The following CDH6 variants were observed in gnomAD, a reference collection of about 807,000 sequenced individuals.
CDH6 encodes cadherin-6.
Under a neutral mutation model 78.0 loss-of-function variants are expected in CDH6, and 31 were observed. The observed-to-expected ratio is 0.40, with a 90% CI of 0.30 to 0.54. CDH6 has a LOEUF of 0.54. Ranked by LOEUF, CDH6 falls within the 20% of genes least tolerant of loss-of-function variation. The pLI, the probability that CDH6 is intolerant of heterozygous loss-of-function variation, is 0.56. For synonymous variants in CDH6, 376 were observed against 368.8 expected (o/e 1.02, Z -0.23); for missense variants, 724 against 975.9 (o/e 0.74, Z 3.44).
chr5:31,236,260 T>G (rs529604811), intron 1 of CDH6, among the ~76,000 whole-genome samples: 10 of 152,192 alleles, frequency 6.6e-5, no homozygotes, highest in Non-Finnish European at 1.2e-4. Flanking sequence ...TCCTAAATAA[T>G]GACAATATTC....
chr5:31,285,150 AAT>A (rs1181109672), intron 2 of CDH6, among the ~76,000 whole-genome samples: 1 of 152,200 alleles, frequency 6.6e-6, no homozygotes, highest in Non-Finnish European at 1.5e-5. Flanking sequence ...AGTGTGAGAA[AAT>A]ATGTGACCCT....
chr5:31,280,049 A>G (rs1350509846), intron 2 of CDH6, among the ~76,000 whole-genome samples: 1 of 152,224 alleles, frequency 6.6e-6, no homozygotes. Flanking sequence ...CCTTTTCAAC[A>G]GTAGACATCG....
chr5:31,210,164 G>A (rs911396257), intron 1 of CDH6, among the ~76,000 whole-genome samples: 2 of 151,498 alleles, frequency 1.3e-5, no homozygotes, highest in Admixed American at 6.6e-5. Context: ...AGAAAGAAAA[G>A]GGTGAGAAAG....
chr5:31,221,438 TG>T (rs2111831607), intron 1 of CDH6, among the ~76,000 whole-genome samples: 1 of 152,350 alleles, frequency 6.6e-6, no homozygotes, highest in Non-Finnish European at 1.5e-5. Context: ...AATGGAATCT[TG>T]GAATTAAGAG....
chr5:31,202,859 T>C (rs1320062696), intron 1 of CDH6, among the ~76,000 whole-genome samples: 1 of 151,684 alleles, frequency 6.6e-6, no homozygotes, highest in Non-Finnish European at 1.5e-5. Context: ...GCAAAATATA[T>C]ATATATTTGC....
intron 5 of CDH6, among the ~76,000 whole-genome samples, chr5:31,301,584 A>G (rs1042256245): frequency 6.6e-6 from 1 of 152,222 alleles, no homozygotes; most frequent in Non-Finnish European, 1.5e-5. Flanking sequence ...GTATTTACCT[A>G]TATCTCTAAC....
At chr5:31,240,373 C>T (rs1741566734) in intron 1 of CDH6, among the ~76,000 whole-genome samples, 1 of 152,148 alleles carries the variant, frequency 6.6e-6, no homozygotes, top group Non-Finnish European at 1.5e-5. Flanking sequence ...AAGAGGACCT[C>T]CCAAGACCAG....
intron 2 of CDH6, among the ~76,000 whole-genome samples, chr5:31,293,516 A>G (rs967095543): frequency 6.6e-6 from 1 of 152,188 alleles, no homozygotes; most frequent in Non-Finnish European, 1.5e-5. Flanking sequence ...CTGATTCAAA[A>G]ATCAAAGTCC....
chr5:31,323,255 T>C lies in CDH6; in HGVS notation c.2320T>C (p.Phe774Leu), dbSNP rs1196325208. Reference sequence around the variant, plus strand: ...TTACCTTAGTGACTGGGGACCTCGATTCAAAAAGCTTGCAGATATGTATGG... The same window carrying C: ...TTACCTTAGTGACTGGGGACCTCGACTCAAAAAGCTTGCAGATATGTATGG... ...YDYLSDWGPR[F>L]KKLADMYGGV... The change falls in exon 12 of 12, where the codon TTC (phenylalanine) becomes CTC (leucine). Residue 774 changes from phenylalanine (F) to leucine (L), a missense_variant. Around this residue, in one of 3 missense-constraint regions of CDH6, gnomAD observed 220 missense variants for 240.6 expected, o/e 0.91. Coordinates refer to ENST00000265071, the MANE Select transcript of CDH6 (RefSeq NM_004932.4). The C allele has an allele frequency of 6.2e-7, 1 of 1,614,020 alleles. No individual in the cohort carries two copies. Among genetic ancestry groups the C allele is most frequent in the East Asian group, 2.2e-5 (1 of 44,898 alleles).
chr5:31,258,880 G>T (rs115523641), intron 1 of CDH6, among the ~76,000 whole-genome samples: 3,874 of 152,234 alleles, frequency 0.025, 177 homozygotes, highest in African/African-American at 0.089. Flanking sequence ...GCAGCAGCCT[G>T]GCACACACCC....
intron 2 of CDH6, among the ~76,000 whole-genome samples, chr5:31,269,135 C>G (rs79159956): frequency 6.6e-6 from 1 of 152,064 alleles, no homozygotes; most frequent in Admixed American, 6.5e-5. Flanking sequence ...TTTTACAACA[C>G]AAATAGCATT....
chr5:31,238,854 G>T (rs1230095866), intron 1 of CDH6, among the ~76,000 whole-genome samples: 1 of 152,112 alleles, frequency 6.6e-6, no homozygotes, highest in Admixed American at 6.6e-5. Flanking sequence ...TCCTAACTTT[G>T]TTCTTACTGG....
At chr5:31,305,668 T>C (rs1737971366) in intron 7 of CDH6, among the ~76,000 whole-genome samples, 1 of 152,198 alleles carries the variant, frequency 6.6e-6, no homozygotes, top group African/African-American at 2.4e-5. Context: ...CACCCCCATA[T>C]TAAAATTCAC....
intron 1 of CDH6, among the ~76,000 whole-genome samples, chr5:31,248,854 A>G (rs1346234274): frequency 6.6e-6 from 1 of 152,224 alleles, no homozygotes; most frequent in Admixed American, 6.5e-5. Context: ...AAAAATTCTA[A>G]ATAAGTTATG....
intron 6 of CDH6, among the ~76,000 whole-genome samples, chr5:31,302,804 GAA>G (rs1561066023): frequency 7.9e-5 from 7 of 88,466 alleles, no homozygotes; most frequent in South Asian, 4.0e-4. Flanking sequence ...GAGAGAGAAA[GAA>G]AGAAAGAAAG....
chr5:31,239,999 T>A (rs1367402547), intron 1 of CDH6, among the ~76,000 whole-genome samples: 3 of 152,184 alleles, frequency 2.0e-5, no homozygotes, highest in African/African-American at 7.2e-5. Flanking sequence ...TACCTGTGAA[T>A]TTTTCTGCAA....
At chr5:31,321,602 A>AATT (rs984066320) in intron 11 of CDH6, among the ~76,000 whole-genome samples, 2 of 152,284 alleles carry the variant, frequency 1.3e-5, no homozygotes, top group East Asian at 1.9e-4. Flanking sequence ...ACGGGTAACC[A>AATT]ATTATTATTA....
chr5:31,265,769 G>GTTTTTTTTTTTTTTTTT (rs35184792), intron 1 of CDH6, among the ~76,000 whole-genome samples: 2 of 78,406 alleles, frequency 2.6e-5, no homozygotes, highest in African/African-American at 5.2e-5. Context: ...TTAAGACAAT[G>GTTTTTTTTTTTTTTTTT]TTTTTTTTTT....
chr5:31,303,735 G>T (rs1365661994), intron 6 of CDH6, among the ~76,000 whole-genome samples: 1 of 152,098 alleles, frequency 6.6e-6, no homozygotes, highest in Non-Finnish European at 1.5e-5. Flanking sequence ...AAAAGCATCG[G>T]TGGATGTAAA....
Sources: gnomAD v4.1 joint callset for allele counts (sites outside exome capture counted in the v4.1 genomes callset) on GRCh38, gnomAD v4.1.1 for gene constraint, gnomAD v4.1.1 regional missense constraint, MANE v1.5 for transcripts, NCBI Gene and HGNC (gene_info 2026-07-23, HGNC 2026-07-21) for gene names.